The following VEPH1 variants were observed in gnomAD, a reference collection of about 807,000 sequenced individuals.
VEPH1 encodes the protein ventricular zone-expressed PH domain-containing protein homolog 1.
A neutral mutation model predicts 85.2 loss-of-function variants in VEPH1; 80 were observed. The ratio of observed to expected loss-of-function variants is 0.94; its 90% CI spans 0.78 to 1.13. The LOEUF (loss-of-function observed/expected upper bound fraction) is 1.13, where lower values mean the gene tolerates loss of function less well. VEPH1 is among the 50% of genes most tolerant of loss of function. VEPH1 has a pLI of 0.00. For synonymous variants in VEPH1, 297 were observed against 348.0 expected (o/e 0.85, Z 1.63); for missense variants, 955 against 980.5 (o/e 0.97, Z 0.35).
At chr3:157,387,769 C>T (rs7617727) in intron 6 of VEPH1, among the ~76,000 whole-genome samples, 1 of 151,986 alleles carries the variant, frequency 6.6e-6, no homozygotes, top group Non-Finnish European at 1.5e-5. Flanking sequence ...TCTAATGCCA[C>T]GTAAATCTCT....
chr3:157,409,686 C>G (rs1227967433), intron 6 of VEPH1: 1 of 985,294 alleles, frequency 1.0e-6, no homozygotes, highest in Non-Finnish European at 1.2e-6. Context: ...TCTGCTCACC[C>G]AGATGGGCAC....
At chr3:157,411,679 G>A (rs2109024107) in intron 6 of VEPH1, among the ~76,000 whole-genome samples, 1 of 152,270 alleles carries the variant, frequency 6.6e-6, no homozygotes, top group East Asian at 1.9e-4. Context: ...ATCTACAATT[G>A]TTCTCTGCTA....
intron 3 of VEPH1, among the ~76,000 whole-genome samples, chr3:157,463,195 C>A (rs1049967134): frequency 6.6e-6 from 1 of 152,186 alleles, no homozygotes; most frequent in African/African-American, 2.4e-5. Flanking sequence ...TCACTAGAAA[C>A]AAAAACAGAA....
intron 12 of VEPH1, among the ~76,000 whole-genome samples, chr3:157,285,856 T>C (rs1716701730): frequency 6.6e-6 from 1 of 152,200 alleles, no homozygotes; most frequent in Non-Finnish European, 1.5e-5. Flanking sequence ...CTTTGTGACC[T>C]TGGGCAGTTA....
At chr3:157,432,427 C>A (rs1445222026) in intron 4 of VEPH1, among the ~76,000 whole-genome samples, 1 of 151,946 alleles carries the variant, frequency 6.6e-6, no homozygotes, top group Non-Finnish European at 1.5e-5. Flanking sequence ...CTCTTAAAGG[C>A]ATTATGGTTT....
intron 6 of VEPH1, among the ~76,000 whole-genome samples, chr3:157,398,042 CAT>C (rs2108959784): frequency 6.6e-6 from 1 of 152,268 alleles, no homozygotes; most frequent in East Asian, 1.9e-4. Context: ...GGAAACTCCC[CAT>C]AAGGCCATAG....
intron 4 of VEPH1, among the ~76,000 whole-genome samples, chr3:157,446,803 T>G (rs573363756): frequency 6.6e-6 from 1 of 152,322 alleles, no homozygotes; most frequent in African/African-American, 2.4e-5. Flanking sequence ...TTTATAAATC[T>G]GGAGTGTAGC....
chr3:157,374,224 T>G (rs1577484411), intron 7 of VEPH1, among the ~76,000 whole-genome samples: 2 of 152,280 alleles, frequency 1.3e-5, no homozygotes, highest in East Asian at 3.9e-4. Context: ...CAAATGGCTG[T>G]TATGATTTTC....
In VEPH1 at chr3:157,373,855, C is replaced by T. The variant is rs545131162; in HGVS notation, c.1127+7301G>A. 5.3e-5 allele frequency among the ~76,000 whole-genome samples: 8 copies of T among 152,188 alleles called. No homozygotes were observed. The South Asian group carries it at 1.0e-3, about 20-fold the overall frequency. On this transcript the variant is annotated intron_variant, in intron 7 of 13. Coordinates refer to ENST00000362010, the MANE Select transcript of VEPH1 (RefSeq NM_001167912.2). ...CCCATGAAGCTGATATTACATTGCC[C>T]GCACTCCATACTGGGGCTGCCCGAG...
At chr3:157,380,614 C>G (rs1333251897) in intron 7 of VEPH1, among the ~76,000 whole-genome samples, 1 of 152,202 alleles carries the variant, frequency 6.6e-6, no homozygotes, top group Non-Finnish European at 1.5e-5. Context: ...CTTCTGATAA[C>G]AACTTCCCAC....
At chr3:157,499,252 G>GGTTT (rs1491334660) in intron 1 of VEPH1, 1 of 128,458 alleles carries the variant, frequency 7.8e-6, no homozygotes, top group Non-Finnish European at 1.6e-5. Flanking sequence ...TCATTATTTA[G>GGTTT]TTTTTTTTTT....
At chr3:157,468,896 G>A (rs2109444363) in intron 3 of VEPH1, among the ~76,000 whole-genome samples, 1 of 152,038 alleles carries the variant, frequency 6.6e-6, no homozygotes, top group Admixed American at 6.5e-5. Context: ...CTCACCCTGG[G>A]ACGAGAACAT....
intron 11 of VEPH1, among the ~76,000 whole-genome samples, chr3:157,287,175 C>T (rs1156714756): frequency 6.6e-6 from 1 of 152,036 alleles, no homozygotes; most frequent in Non-Finnish European, 1.5e-5. Context: ...GAGTTCAAGA[C>T]CAGCCTGGGC....
rs137868216 is a variant in VEPH1 at position 157,456,483 on chromosome 3, T to G, written c.529+3698A>C. The stretch of plus-strand genomic sequence containing the variant: ...CAGAATGGTGTTGCCTAGGTTATCT[T>G]CCAGCGTTTTTATAGTTTTGGGTTT... On this transcript the variant is annotated intron_variant, in intron 4 of 13. Coordinates refer to ENST00000362010, the MANE Select transcript of VEPH1 (RefSeq NM_001167912.2). Among the ~76,000 whole-genome samples, 108 of 152,334 alleles carry G rather than the reference T, an allele frequency of 7.1e-4. 3 individuals are homozygous for G. In the East Asian group the frequency reaches 0.017, roughly 24 times the overall value.
At chr3:157,468,769 T>C (rs919219017) in intron 3 of VEPH1, among the ~76,000 whole-genome samples, 7 of 152,260 alleles carry the variant, frequency 4.6e-5, no homozygotes, top group African/African-American at 1.7e-4. Flanking sequence ...TTTTAATTTT[T>C]TAATTGAGAT....
intron 7 of VEPH1, among the ~76,000 whole-genome samples, chr3:157,372,302 TAATCAAAAA>T (rs1727593639): frequency 6.6e-6 from 1 of 152,202 alleles, no homozygotes; most frequent in African/African-American, 2.4e-5. Context: ...AGGATATACT[TAATCAAAAA>T]CACATCAATA....
chr3:157,427,870 A>T (rs776062827), intron 5 of VEPH1, among the ~76,000 whole-genome samples: 1 of 152,210 alleles, frequency 6.6e-6, no homozygotes, highest in Non-Finnish European at 1.5e-5. Context: ...TTAGCATTTG[A>T]ATGGGTAGAC....
intron 6 of VEPH1, chr3:157,381,650 C>T (rs759571268): frequency 4.7e-6 from 2 of 423,144 alleles, no homozygotes; most frequent in Non-Finnish European, 8.7e-6. Flanking sequence ...ACGCAGGAGG[C>T]AGACGGTGCA....
intron 4 of VEPH1, among the ~76,000 whole-genome samples, chr3:157,438,225 C>A (rs1733826292): frequency 6.6e-6 from 1 of 152,050 alleles, no homozygotes; most frequent in African/African-American, 2.4e-5. Context: ...GGGCCCCTTA[C>A]ACCCGATCCG....
Sources: allele counts gnomAD v4.1 joint callset (sites outside exome capture counted in the v4.1 genomes callset), GRCh38; gene constraint gnomAD v4.1.1; transcripts MANE v1.5; gene names NCBI Gene and HGNC (gene_info 2026-07-23, HGNC 2026-07-21).